Variants in ARHGAP44 observed in about 807,000 individuals in gnomAD.
The protein encoded by ARHGAP44 is rho GTPase-activating protein 44.
In ARHGAP44, 43 loss-of-function variants were observed where a neutral mutation model predicts 106.8. The ratio of observed to expected loss-of-function variants is 0.40; its 90% CI spans 0.32 to 0.52. The LOEUF (loss-of-function observed/expected upper bound fraction) is 0.52, where lower values mean the gene tolerates loss of function less well. ARHGAP44 is among the 20% of genes least tolerant of loss of function. The pLI is 0.48. For synonymous variants in ARHGAP44, 439 were observed against 410.3 expected, an observed-to-expected ratio of 1.07 and a Z score of -0.85; for missense variants, 866 against 1,050.5, an observed-to-expected ratio of 0.82 and a Z score of 2.43.
At chr17:12,814,722 G>A (rs955828944) in intron 1 of ARHGAP44, among the ~76,000 whole-genome samples, 7 of 152,014 alleles carry the variant, frequency 4.6e-5, no homozygotes, top group African/African-American at 1.2e-4. Context: ...GCTGTTAGTG[G>A]TTTTAATTTT....
intron 1 of ARHGAP44, among the ~76,000 whole-genome samples, chr17:12,831,035 A>G (rs2035072835): frequency 6.6e-6 from 1 of 152,222 alleles, no homozygotes; most frequent in South Asian, 2.1e-4. Flanking sequence ...CCACTTGCAC[A>G]GTTTTTATGA....
intron 16 of ARHGAP44, among the ~76,000 whole-genome samples, chr17:12,959,510 A>C (rs1250931189): frequency 6.6e-6 from 1 of 152,200 alleles, no homozygotes; most frequent in Non-Finnish European, 1.5e-5. Context: ...ACTCATGTTA[A>C]ATTAGTTTAT....
At chr17:12,940,535 A>G (rs1301492894) in intron 7 of ARHGAP44, among the ~76,000 whole-genome samples, 1 of 152,220 alleles carries the variant, frequency 6.6e-6, no homozygotes. Context: ...TTGAGTCAGC[A>G]ATCCTTTCCC....
chr17:12,903,124 G>GA (rs2037434581), intron 3 of ARHGAP44, among the ~76,000 whole-genome samples: 2 of 80,374 alleles, frequency 2.5e-5, no homozygotes, highest in African/African-American at 5.4e-5. Flanking sequence ...GAGAGAGAGA[G>GA]AGGAGAGAGA....
Position 12,895,389 on chromosome 17 carries a change from G to T in ARHGAP44, c.93+410G>T, listed in dbSNP as rs117546216. ...TGATCACTGCCCCTCCAGTTCTCCA[G>T]CATTGAAAGCTGTCTCTCATTGCAG... On this transcript the variant is annotated intron_variant, in intron 2 of 20. Coordinates refer to ENST00000379672, the MANE Select transcript of ARHGAP44 (RefSeq NM_014859.6). Among the ~76,000 whole-genome samples the T allele has an allele frequency of 3.7e-4, 57 of 152,278 alleles. No individual in the cohort carries two copies. The East Asian group carries it at 9.5e-3, about 25-fold the overall frequency.
At chr17:12,894,890 G>A in intron 1 of ARHGAP44, 50 bp from the exon 2 acceptor site, 1 of 1,518,566 alleles carries the variant, frequency 6.6e-7, no homozygotes, top group Non-Finnish European at 9.0e-7. Context: ...GTAATTATGA[G>A]GCTCTGTTGT....
chr17:12,990,165 C>T lies in ARHGAP44; in HGVS notation c.2451C>T (p.Ala817=), dbSNP rs780686961. The T allele has an allele frequency of 2.5e-6, 4 of 1,611,476 alleles. No individual in the cohort carries two copies. The South Asian group carries it at 4.4e-5, about 18-fold the overall frequency. The change falls in exon 21 of 21, where the codon GCC becomes GCT. Residue 817 remains alanine, a synonymous_variant. Coordinates refer to ENST00000379672, the MANE Select transcript of ARHGAP44 (RefSeq NM_014859.6). ...CGGAGGAGGAGTCTGAGAGCACCGCCCTCTGACATGACACCGCCCATCCTG... is the reference window on the plus strand; with the variant it reads ...CGGAGGAGGAGTCTGAGAGCACCGCTCTCTGACATGACACCGCCCATCCTG... The part of the protein sequence containing the change: ...RDSEEESEST[A]L
chr17:12,802,927 TTATATATATATATATATATATA>T (rs1159214788), intron 1 of ARHGAP44, among the ~76,000 whole-genome samples: 13 of 29,238 alleles, frequency 4.4e-4, no homozygotes, highest in South Asian at 4.1e-3. Flanking sequence ...CCTGGCTAAT[TTATATATATATATATATATATA>T]TATATATATA....
At chr17:12,970,384 A>G (rs201254768) in intron 16 of ARHGAP44, among the ~76,000 whole-genome samples, 3,671 of 96,334 alleles carry the variant, frequency 0.038, 92 homozygotes, top group African/African-American at 0.096. Flanking sequence ...AAAAAAAAAA[A>G]AAAAGAAAAA....
chr17:12,865,961 G>C (rs2036228966), intron 1 of ARHGAP44, among the ~76,000 whole-genome samples: 1 of 152,086 alleles, frequency 6.6e-6, no homozygotes. Flanking sequence ...TTGCAGCAAA[G>C]TCATTACTTA....
At chr17:12,882,777 A>G (rs1375824306) in intron 1 of ARHGAP44, among the ~76,000 whole-genome samples, 1 of 152,088 alleles carries the variant, frequency 6.6e-6, no homozygotes, top group African/African-American at 2.4e-5. Context: ...TTCTCTAGTA[A>G]TTAATCAAAC....
intron 5 of ARHGAP44, among the ~76,000 whole-genome samples, chr17:12,916,576 G>A (rs1458691514): frequency 6.6e-6 from 1 of 152,098 alleles, no homozygotes; most frequent in South Asian, 2.1e-4. Flanking sequence ...GTAGAGACGG[G>A]GTTTCACCAT....
At chr17:12,913,324 T>G (rs2037796488) in intron 4 of ARHGAP44, among the ~76,000 whole-genome samples, 1 of 152,008 alleles carries the variant, frequency 6.6e-6, no homozygotes, top group Non-Finnish European at 1.5e-5. Context: ...TGAATTCGAT[T>G]GGGTACGTAG....
intron 1 of ARHGAP44, among the ~76,000 whole-genome samples, chr17:12,815,198 A>C (rs1173505673): frequency 1.3e-5 from 2 of 152,136 alleles, no homozygotes; most frequent in Non-Finnish European, 2.9e-5. Flanking sequence ...ATTTTGTAGA[A>C]CAAAATAGAA....
intron 1 of ARHGAP44, among the ~76,000 whole-genome samples, chr17:12,859,155 G>T (rs1276538337): frequency 6.6e-6 from 1 of 152,190 alleles, no homozygotes; most frequent in Non-Finnish European, 1.5e-5. Flanking sequence ...CACAGAGACA[G>T]ACATGTGCTG....
chr17:12,861,613 C>T (rs12944515), intron 1 of ARHGAP44, among the ~76,000 whole-genome samples: 80,094 of 137,742 alleles, frequency 0.58, 24,583 homozygotes, highest in Non-Finnish European at 0.67. Flanking sequence ...GTCACATCTC[C>T]CTCTGAATTC....
chr17:12,895,089 C>A, intron 2 of ARHGAP44, 110 bp downstream of exon 2: 1 of 894,252 alleles, frequency 1.1e-6, no homozygotes, highest in Non-Finnish European at 1.8e-6. Context: ...CGGGATCGTG[C>A]CACTACACTC....
At chr17:12,830,416 G>A (rs2035050540) in intron 1 of ARHGAP44, among the ~76,000 whole-genome samples, 1 of 152,100 alleles carries the variant, frequency 6.6e-6, no homozygotes, top group South Asian at 2.1e-4. Flanking sequence ...GTGGCTGGGA[G>A]GAGAGTATTG....
At chr17:12,956,451 G>A (rs1264962973) in intron 14 of ARHGAP44, among the ~76,000 whole-genome samples, 3 of 152,124 alleles carry the variant, frequency 2.0e-5, no homozygotes, top group Non-Finnish European at 4.4e-5. Flanking sequence ...CATGTGCCTC[G>A]GGTTTATCTC....
Sources: gnomAD v4.1 joint callset for allele counts (sites outside exome capture counted in the v4.1 genomes callset) on GRCh38, gnomAD v4.1.1 for gene constraint, MANE v1.5 for transcripts, NCBI Gene and HGNC (gene_info 2026-07-23, HGNC 2026-07-21) for gene names.